Variants in TAGLN2 observed in about 807,000 individuals in gnomAD.
TAGLN2 encodes the protein transgelin-2.
Under a neutral mutation model 24.9 loss-of-function variants are expected in TAGLN2, and 14 were observed. The observed-to-expected ratio is 0.56, with a 90% CI of 0.37 to 0.88. The LOEUF (loss-of-function observed/expected upper bound fraction) is 0.88, where lower values mean the gene tolerates loss of function less well. Among genes scored for constraint, TAGLN2 ranks in the 40% least tolerant of loss-of-function variants. The pLI, the probability that TAGLN2 is intolerant of heterozygous loss-of-function variation, is 0.00. For missense variants in TAGLN2, 208 were observed against 258.9 expected (o/e 0.80, Z 1.35); for synonymous variants, 77 against 98.2 (o/e 0.78, Z 1.28).
intron 4 of TAGLN2, 38 bp downstream of exon 4, chr1:159,919,236 C>T (rs1557924423): frequency 1.3e-6 from 2 of 1,575,314 alleles, no homozygotes; most frequent in Non-Finnish European, 1.7e-6. Flanking sequence ...AGAAACAATG[C>T]ACCTGCTGGA....
intron 2 of TAGLN2, chr1:159,920,079 T>C: frequency 1.3e-6 from 1 of 767,854 alleles, no homozygotes; most frequent in Non-Finnish European, 2.3e-6. Context: ...GTTCTTTCCT[T>C]AGAGACATTC....
rs779638364 is a variant in TAGLN2, at chr1:159,919,365, C to G, written c.367G>C (p.Ala123Pro). ...TVDLWEGKNM[A>P]CVQRTLMNLG... Reference sequence around the variant, plus strand: ...TTCATCAGCGTCCGCTGCACACAGGCCATGTTCTTTCCTGGGAAGGAGAAT... The same window carrying G: ...TTCATCAGCGTCCGCTGCACACAGGGCATGTTCTTTCCTGGGAAGGAGAAT... Residue 123 changes from alanine (A) to proline (P), a missense_variant, in exon 4 of 5, where the codon GCC (alanine) becomes CCC (proline). Ala to Pro is a conservative substitution (Grantham distance 27). Coordinates refer to ENST00000368097, the MANE Select transcript of TAGLN2 (RefSeq NM_003564.3). 2.5e-6 allele frequency: 4 copies of G among 1,614,216 alleles called. No homozygotes were observed. In the South Asian group the frequency reaches 4.4e-5, roughly 18 times the overall value.
rs780521585 is a variant in TAGLN2, at chr1:159,919,852, G to A, written c.181-17C>T. On this transcript the variant is annotated splice_polypyrimidine_tract_variant and intron_variant, in intron 2 of 4. Transcript: ENST00000368097. Reference sequence around the variant, plus strand: ...ACATAGCACCTGGATGAGGACAGCAGGGGTGGAAAGGTGAGAATATGCCTA... The same window carrying A: ...ACATAGCACCTGGATGAGGACAGCAAGGGTGGAAAGGTGAGAATATGCCTA... 1 of 1,610,592 alleles carries A rather than the reference G, an allele frequency of 6.2e-7. No individual in the cohort carries two copies. Among genetic ancestry groups the A allele is most frequent in the East Asian group, 2.2e-5 (1 of 44,770 alleles).
intron 4 of TAGLN2, 95 bp from the exon 5 acceptor site, chr1:159,919,036 G>T (rs1650435899): frequency 1.9e-6 from 3 of 1,558,034 alleles, no homozygotes; most frequent in Non-Finnish European, 2.6e-6. Flanking sequence ...TTGGCTCAAG[G>T]GCTGGTGCCA....
chr1:159,923,457 GAA>G (rs1440651920), intron 1 of TAGLN2: 3 of 1,550,208 alleles, frequency 1.9e-6, no homozygotes, highest in Non-Finnish European at 2.6e-6. Flanking sequence ...CAAAGCCAAA[GAA>G]AAGGCGGACA....
intron 1 of TAGLN2, chr1:159,923,393 G>T: frequency 6.5e-7 from 1 of 1,544,994 alleles, no homozygotes; most frequent in Admixed American, 2.0e-5. Context: ...GAGGGGCCAC[G>T]CAAGGCACTC....
chr1:159,920,583 T>C (rs1557925433), intron 1 of TAGLN2, 46 bp from the exon 2 acceptor site: 2 of 1,571,590 alleles, frequency 1.3e-6, no homozygotes, highest in East Asian at 2.3e-5. Flanking sequence ...CCTTGCAGCC[T>C]GGGGAGTGGG....
intron 2 of TAGLN2, 159 bp downstream of exon 2, chr1:159,920,171 A>G: frequency 1.7e-6 from 2 of 1,202,880 alleles, no homozygotes; most frequent in Non-Finnish European, 2.4e-6. Context: ...GGAGGAAAGC[A>G]TGGGCCCTCT....
chr1:159,918,770 G>A lies in TAGLN2; in HGVS notation c.*30C>T, dbSNP rs1424817296. 6.2e-7 allele frequency: 1 copy of A among 1,609,096 alleles called. No homozygotes were observed. The highest frequency in any genetic ancestry group is 8.5e-7 in the Non-Finnish European group (1 of 1,177,368). The stretch of plus-strand genomic sequence containing the variant: ...ATCTACATATATATTAACCATTCGT[G>A]GGAGGGCAGGGGCAAGGCCTGGGGT... On this transcript the variant is annotated 3_prime_UTR_variant, in exon 5 of 5. Coordinates refer to ENST00000368097, the MANE Select transcript of TAGLN2 (RefSeq NM_003564.3).
At chr1:159,920,238 A>G in intron 2 of TAGLN2, 92 bp downstream of exon 2, 1 of 1,593,022 alleles carries the variant, frequency 6.3e-7, no homozygotes, top group East Asian at 2.2e-5. Flanking sequence ...GTGTGCCTTC[A>G]GTCTTCTCCT....
chr1:159,920,159 A>G (rs1271478922), intron 2 of TAGLN2, 171 bp downstream of exon 2: 2 of 1,078,986 alleles, frequency 1.9e-6, no homozygotes, highest in African/African-American at 3.1e-5. Context: ...CTCCACGGGA[A>G]GGGAGGAAAG....
At position 159,919,816 on chromosome 1, in the gene TAGLN2, T is replaced by C; in HGVS notation, c.200A>G (p.Asn67Ser). 6.2e-7 allele frequency: 1 copy of C among 1,614,120 alleles called. No homozygotes were observed. Among genetic ancestry groups the C allele is most frequent in the Non-Finnish European group, 8.5e-7 (1 of 1,179,994 alleles). ...KDGTVLCELINALYPEGQAPV... is the reference protein window; with the variant it reads ...KDGTVLCELISALYPEGQAPV... Reference sequence around the variant, plus strand: ...GGCCTGCCCCTCGGGGTACAGTGCATTAATGAGCTCACATAGCACCTGGAT... The same window carrying C: ...GGCCTGCCCCTCGGGGTACAGTGCACTAATGAGCTCACATAGCACCTGGAT... The change falls in exon 3 of 5, where the codon AAT (asparagine) becomes AGT (serine). Residue 67 changes from asparagine (N) to serine (S), a missense_variant. Physicochemically the swap from Asn to Ser is conservative, Grantham distance 46. Coordinates refer to ENST00000368097, the MANE Select transcript of TAGLN2 (RefSeq NM_003564.3).
At chr1:159,925,353 G>A (rs1213187100) in intron 1 of TAGLN2, 97 bp downstream of exon 1, 2 of 152,302 alleles carry the variant, frequency 1.3e-5, no homozygotes, top group East Asian at 3.8e-4. Context: ...ACCAGCCCTT[G>A]ATCCCCGAGC....
rs905936420 is a variant in TAGLN2, at chr1:159,919,753, T to C, written c.263A>G (p.Lys88Arg). 11 of 1,613,900 alleles carry C rather than the reference T, an allele frequency of 6.8e-6. 1 individual carries two copies. Among genetic ancestry groups the C allele is most frequent in the Admixed American group, 6.7e-5 (4 of 59,998 alleles). ...GAACTGAGAGATCTGCTCCATCTGCTTGAAGGCCATGGTGGAGGCCTGGAT... is the reference window on the plus strand; with the variant it reads ...GAACTGAGAGATCTGCTCCATCTGCCTGAAGGCCATGGTGGAGGCCTGGAT... ...KKIQASTMAF[K>R]QMEQISQFLQ... The change falls in exon 3 of 5, where the codon AAG becomes AGG. Residue 88 changes from lysine to arginine, a missense_variant. Transcript: ENST00000368097.
At position 159,918,844 on chromosome 1, in the gene TAGLN2, G is replaced by C. The variant is rs1247983959; in HGVS notation, c.556C>G (p.Gln186Glu). ...LQMGTNRGASQAGMTGYGMPR... is the reference protein window; with the variant it reads ...LQMGTNRGASEAGMTGYGMPR... The stretch of plus-strand genomic sequence containing the variant: ...ATCCCGTAGCCAGTCATGCCTGCCT[G>C]AGACGCCCCGCGGTTGGTGCCCATC... Residue 186 changes from glutamine (Q) to glutamate (E), a missense_variant, in exon 5 of 5, where the codon CAG becomes GAG. Gln to Glu is a conservative substitution (Grantham distance 29). Coordinates refer to ENST00000368097, the MANE Select transcript of TAGLN2 (RefSeq NM_003564.3). 6.2e-7 allele frequency: 1 copy of C among 1,614,254 alleles called. No individual in the cohort carries two copies. Among genetic ancestry groups the C allele is most frequent in the Non-Finnish European group, 8.5e-7 (1 of 1,180,038 alleles).
At chr1:159,923,313 C>A (rs1571205106) in intron 1 of TAGLN2, 2 of 1,190,346 alleles carry the variant, frequency 1.7e-6, no homozygotes, top group Admixed American at 5.0e-5. Flanking sequence ...GCAACCTAAA[C>A]CCTAGCGCTA....
At chr1:159,924,659 G>A (rs1447768504) in intron 1 of TAGLN2, 3 of 148,936 alleles carry the variant, frequency 2.0e-5, no homozygotes, top group African/African-American at 7.4e-5. Context: ...CCGCCCTCCC[G>A]CCGCTGGGGT....
chr1:159,919,119 C>A, intron 4 of TAGLN2, 155 bp downstream of exon 4: 1 of 1,255,304 alleles, frequency 8.0e-7, no homozygotes, highest in Non-Finnish European at 1.1e-6. Flanking sequence ...CATTTGCCAT[C>A]CCAGAGGGTG....
At position 159,920,550 on chromosome 1, in the gene TAGLN2, C is replaced by G. The variant is rs747314772; in HGVS notation, c.-28-13G>C. On this transcript the variant is annotated splice_polypyrimidine_tract_variant and intron_variant, in intron 1 of 4. Transcript: ENST00000368097. ...TGGCTGCGGGGAGCTAGGGAGAGGA[C>G]ACACCCGGGCTTTTGGTCAACACCT... The G allele has an allele frequency of 5.0e-5, 81 of 1,606,508 alleles. No individual in the cohort carries two copies. Among genetic ancestry groups the G allele is most frequent in the Middle Eastern group, 1.7e-4 (1 of 6,060 alleles).
Sources: allele counts gnomAD v4.1 joint callset, GRCh38; gene constraint gnomAD v4.1.1; transcripts MANE v1.5; gene names NCBI Gene and HGNC (gene_info 2026-07-23, HGNC 2026-07-21).